Variants in LHFPL3 observed in about 807,000 individuals in gnomAD.
LHFPL3 encodes LHFPL tetraspan subfamily member 3 protein.
LHFPL3 carries 5 observed loss-of-function variants against 19.3 expected under a neutral mutation model. The observed-to-expected ratio is 0.26, with a 90% CI of 0.14 to 0.54. The LOEUF (loss-of-function observed/expected upper bound fraction) is 0.54. Among genes scored for constraint, LHFPL3 ranks in the 20% least tolerant of loss-of-function variants. LHFPL3 has a pLI of 0.94. For synonymous variants in LHFPL3, 133 were observed against 126.2 expected, an observed-to-expected ratio of 1.05 and a Z score of -0.36; for missense variants, 249 against 307.4, an observed-to-expected ratio of 0.81 and a Z score of 1.42.
chr7:104,737,056 C>G, intron 2 of LHFPL3, 145 bp downstream of exon 2: 1 of 619,470 alleles, frequency 1.6e-6, no homozygotes, highest in East Asian at 2.7e-5. Context: ...CAGACTTTAC[C>G]CCAGACTCAA....
At chr7:104,861,966 G>T (rs1436753146) in intron 2 of LHFPL3, among the ~76,000 whole-genome samples, 5 of 152,168 alleles carry the variant, frequency 3.3e-5, no homozygotes, top group South Asian at 4.1e-4. Context: ...GTAGGGCTGG[G>T]CTGCCTGTTT....
At chr7:104,835,364 C>G (rs761275688) in intron 2 of LHFPL3, among the ~76,000 whole-genome samples, 9 of 151,950 alleles carry the variant, frequency 5.9e-5, no homozygotes, top group Non-Finnish European at 1.3e-4. Flanking sequence ...CACTTTGCAT[C>G]TAGGCAGGTA....
chr7:104,408,798 GC>G (rs1280123671), intron 1 of LHFPL3, among the ~76,000 whole-genome samples: 3 of 151,778 alleles, frequency 2.0e-5, no homozygotes, highest in African/African-American at 7.3e-5. Flanking sequence ...AGCAATGTCT[GC>G]CTTTTTGCTA....
At chr7:104,557,341 A>C (rs1789865310) in intron 1 of LHFPL3, among the ~76,000 whole-genome samples, 1 of 152,242 alleles carries the variant, frequency 6.6e-6, no homozygotes, top group Non-Finnish European at 1.5e-5. Context: ...CAATCATGGC[A>C]GAAGGCAAGG....
rs1224956317 is a variant in LHFPL3, at chr7:104,328,717, G to A, written c.-63G>A. The A allele has an allele frequency of 2.1e-6, 3 of 1,435,162 alleles. No individual in the cohort carries two copies. Among genetic ancestry groups the A allele is most frequent in the South Asian group, 1.3e-5 (1 of 79,670 alleles). 88.9% of individuals were successfully genotyped at this position (1,435,162 alleles called of 1,614,324 possible). A position where few individuals can be genotyped will look rare whatever the true frequency, so the allele number is the denominator to read the frequency against. On this transcript the variant is annotated 5_prime_UTR_variant, in exon 1 of 3. Transcript: ENST00000424859. This position sits in a 1 kb window ranked among gnomAD's most constrained non-coding sequence, Gnocchi z 4.6. ...GAGGCTCCGTGAGTGTGTCTCCTGC[G>A]CGCTGAGAGGCGGGGGGAGGCGGAG... is the stretch of plus-strand genomic sequence containing the variant.
At chr7:104,633,496 A>G (rs1791679409) in intron 1 of LHFPL3, among the ~76,000 whole-genome samples, 1 of 152,154 alleles carries the variant, frequency 6.6e-6, no homozygotes, top group Admixed American at 6.5e-5. Context: ...TCTCATCCCC[A>G]TCAGTTTAGC....
chr7:104,820,722 T>C (rs549086331), intron 2 of LHFPL3, among the ~76,000 whole-genome samples: 1 of 152,066 alleles, frequency 6.6e-6, no homozygotes, highest in Non-Finnish European at 1.5e-5. Flanking sequence ...AGGGAGCACA[T>C]AGGTTGGGAA....
chr7:104,727,974 G>A (rs975090642), intron 1 of LHFPL3, among the ~76,000 whole-genome samples: 1 of 152,086 alleles, frequency 6.6e-6, no homozygotes, highest in Admixed American at 6.6e-5. Context: ...TTTTTGAGAG[G>A]TAATGAAGGC....
intron 1 of LHFPL3, among the ~76,000 whole-genome samples, chr7:104,670,321 T>C (rs1187991869): frequency 6.6e-6 from 1 of 152,150 alleles, no homozygotes; most frequent in Non-Finnish European, 1.5e-5. Context: ...AGCAAACACA[T>C]GAATGGTTAT....
In LHFPL3 at chr7:104,835,135, A is replaced by G. The variant is rs531482983; in HGVS notation, c.683-71052A>G. Among the ~76,000 whole-genome samples, 174 of 151,920 alleles carry G rather than the reference A, an allele frequency of 1.1e-3. 1 individual carries two copies. The highest frequency in any genetic ancestry group is 2.6e-3 in the Admixed American group (40 of 15,264). On this transcript the variant is annotated intron_variant, in intron 2 of 2. Transcript: ENST00000424859. The stretch of plus-strand genomic sequence containing the variant: ...TACCAGCTGCGTAGCCTTGGGTGAT[A>G]CATTTTGTCATTTGGACCTCAGTTT...
At chr7:104,680,786 G>C (rs1426336319) in intron 1 of LHFPL3, among the ~76,000 whole-genome samples, 1 of 152,140 alleles carries the variant, frequency 6.6e-6, no homozygotes, top group African/African-American at 2.4e-5. Flanking sequence ...AAACAAACAT[G>C]ATGGGGGTAA....
At chr7:104,429,399 C>T (rs1009263879) in intron 1 of LHFPL3, among the ~76,000 whole-genome samples, 4 of 142,428 alleles carry the variant, frequency 2.8e-5, no homozygotes, top group Non-Finnish European at 6.0e-5. Flanking sequence ...CCTCCTCCTT[C>T]TGGGTTCAAG....
chr7:104,788,342 C>T (rs546559833), intron 2 of LHFPL3, among the ~76,000 whole-genome samples: 1 of 152,244 alleles, frequency 6.6e-6, no homozygotes, highest in Admixed American at 6.5e-5. Context: ...AGAGATGCTC[C>T]CTCCTGAGTC....
intron 1 of LHFPL3, among the ~76,000 whole-genome samples, chr7:104,398,952 T>C (rs536264866): frequency 7.2e-5 from 11 of 152,294 alleles, no homozygotes; most frequent in African/African-American, 2.4e-4. Flanking sequence ...TTGATGGTTG[T>C]AGATTTGGAG....
chr7:104,403,271 G>A (rs933857646), intron 1 of LHFPL3, among the ~76,000 whole-genome samples: 5 of 152,178 alleles, frequency 3.3e-5, no homozygotes, highest in Non-Finnish European at 5.9e-5. Context: ...TTTGACACAC[G>A]GGCAAGGGTT....
At chr7:104,488,888 G>A (rs866593503) in intron 1 of LHFPL3, among the ~76,000 whole-genome samples, 6 of 152,176 alleles carry the variant, frequency 3.9e-5, no homozygotes, top group Non-Finnish European at 7.3e-5. Context: ...AGAGAAAGCA[G>A]GTTTTGAGTT....
intron 1 of LHFPL3, among the ~76,000 whole-genome samples, chr7:104,574,940 G>C (rs1270851920): frequency 6.6e-6 from 1 of 152,108 alleles, no homozygotes; most frequent in Non-Finnish European, 1.5e-5. Context: ...GGACAAAAAA[G>C]GGTACCCTGT....
chr7:104,436,039 A>G (rs1379295970), intron 1 of LHFPL3, among the ~76,000 whole-genome samples: 2 of 152,176 alleles, frequency 1.3e-5, no homozygotes, highest in Admixed American at 6.5e-5. Flanking sequence ...AATATTAGAA[A>G]TAATAGCTAT....
At chr7:104,883,700 G>A (rs1792095706) in intron 2 of LHFPL3, among the ~76,000 whole-genome samples, 1 of 152,156 alleles carries the variant, frequency 6.6e-6, no homozygotes, top group Admixed American at 6.5e-5. Context: ...TCCTGAAATT[G>A]CTCAGATAAT....
Sources: allele counts gnomAD v4.1 joint callset (sites outside exome capture counted in the v4.1 genomes callset), GRCh38; gene constraint gnomAD v4.1.1; non-coding constraint Gnocchi (gnomAD v3.1); transcripts MANE v1.5; gene names NCBI Gene and HGNC (gene_info 2026-07-23, HGNC 2026-07-21).